The following ERBB4 variants were observed in gnomAD, a reference collection of about 807,000 sequenced individuals.
The protein encoded by ERBB4 is erb-b2 receptor tyrosine kinase 4, also known as receptor tyrosine-protein kinase erbB-4.
In ERBB4, 42 loss-of-function variants were observed where a neutral mutation model predicts 158.0. The ratio of observed to expected loss-of-function variants is 0.27; its 90% CI spans 0.21 to 0.34. ERBB4 has a LOEUF of 0.34. Among genes scored for constraint, ERBB4 ranks in the 10% least tolerant of loss-of-function variants. The pLI is 1.00. For synonymous variants in ERBB4, 583 were observed against 558.7 expected (o/e 1.04, Z -0.61); for missense variants, 1,333 against 1,624.1 (o/e 0.82, Z 3.08).
chr2:211,551,192 C>T (rs13014132), intron 20 of ERBB4, among the ~76,000 whole-genome samples: 12 of 151,984 alleles, frequency 7.9e-5, no homozygotes, highest in African/African-American at 2.9e-4. Context: ...GTCACTGAAG[C>T]TATTTACTGT....
chr2:211,819,538 A>T (rs904383670), intron 3 of ERBB4, among the ~76,000 whole-genome samples: 5 of 152,038 alleles, frequency 3.3e-5, no homozygotes, highest in Non-Finnish European at 7.4e-5. Flanking sequence ...TATAGACAGT[A>T]ACTATTAGGA....
intron 20 of ERBB4, among the ~76,000 whole-genome samples, chr2:211,480,521 T>TGTAAG (rs2065056505): frequency 6.6e-6 from 1 of 152,098 alleles, no homozygotes; most frequent in Non-Finnish European, 1.5e-5. Flanking sequence ...CTTTCGTGAT[T>TGTAAG]GTAAGTTTCC....
At chr2:212,403,630 T>C (rs938054790) in intron 1 of ERBB4, among the ~76,000 whole-genome samples, 1 of 151,908 alleles carries the variant, frequency 6.6e-6, no homozygotes, top group African/African-American at 2.4e-5. Flanking sequence ...AAGCCAGTCA[T>C]AGAAAAACAA....
intron 20 of ERBB4, among the ~76,000 whole-genome samples, chr2:211,448,177 T>C (rs1052428296): frequency 2.6e-5 from 4 of 152,104 alleles, no homozygotes; most frequent in Non-Finnish European, 1.5e-5. Context: ...TTCTCCACGT[T>C]GGCCAGACTA....
chr2:211,762,417 T>C (rs1207406000), intron 4 of ERBB4, among the ~76,000 whole-genome samples: 1 of 152,194 alleles, frequency 6.6e-6, no homozygotes, highest in Non-Finnish European at 1.5e-5. Context: ...AAACTCACTC[T>C]GCCACTGGAA....
Position 211,521,255 on chromosome 2 carries a change from C to A in ERBB4, c.2487+40648G>T, listed in dbSNP as rs1372821682. On this transcript the variant is annotated intron_variant, in intron 20 of 27. Coordinates refer to ENST00000342788, the MANE Select transcript of ERBB4 (RefSeq NM_005235.3). ...TTACTTAGACAAACTAAAAGTGCTA[C>A]TCCAGTGAACACAAATGATAAGAAA... 3.9e-5 allele frequency among the ~76,000 whole-genome samples: 6 copies of A among 152,248 alleles called. No individual in the cohort carries two copies. The South Asian group carries it at 1.2e-3, about 32-fold the overall frequency.
intron 5 of ERBB4, among the ~76,000 whole-genome samples, chr2:211,745,410 AAGAG>A (rs567926434): frequency 6.6e-6 from 1 of 151,932 alleles, no homozygotes; most frequent in East Asian, 1.9e-4. Flanking sequence ...AGCTCAGACT[AAGAG>A]AGAGAGAGGA....
At chr2:211,975,039 A>C (rs1007420445) in intron 2 of ERBB4, among the ~76,000 whole-genome samples, 1 of 152,014 alleles carries the variant, frequency 6.6e-6, no homozygotes, top group Non-Finnish European at 1.5e-5. Flanking sequence ...GCTGGACTGC[A>C]GTGGCACAAT....
At chr2:212,503,974 G>C (rs1691043379) in intron 1 of ERBB4, among the ~76,000 whole-genome samples, 1 of 152,162 alleles carries the variant, frequency 6.6e-6, no homozygotes, top group Admixed American at 6.6e-5. Context: ...TATTTGTTAA[G>C]TATCTATATG....
At chr2:211,791,948 A>G (rs945093396) in intron 3 of ERBB4, among the ~76,000 whole-genome samples, 4 of 151,728 alleles carry the variant, frequency 2.6e-5, no homozygotes, top group Admixed American at 2.0e-4. Context: ...CTTGAATTTA[A>G]CTTATATATA....
At chr2:212,380,044 T>G (rs1400210246) in intron 1 of ERBB4, among the ~76,000 whole-genome samples, 1 of 151,454 alleles carries the variant, frequency 6.6e-6, no homozygotes, top group Non-Finnish European at 1.5e-5. Context: ...GTAAGTCTCT[T>G]TATAGCTGCC....
chr2:211,732,986 AAAAC>A (rs1394487710), intron 5 of ERBB4, among the ~76,000 whole-genome samples: 1 of 152,120 alleles, frequency 6.6e-6, no homozygotes, highest in African/African-American at 2.4e-5. Flanking sequence ...CAAAAAACAA[AAAAC>A]AAACACAAAA....
At chr2:212,199,844 A>C (rs1441876194) in intron 1 of ERBB4, among the ~76,000 whole-genome samples, 1 of 149,568 alleles carries the variant, frequency 6.7e-6, no homozygotes, top group Non-Finnish European at 1.5e-5. Flanking sequence ...ACCAATCAGA[A>C]TTCATTGACT....
chr2:211,788,074 G>A lies in ERBB4; in HGVS notation c.507C>T (p.Asn169=), dbSNP rs2106318524. The A allele has an allele frequency of 6.2e-7, 1 of 1,613,136 alleles. No homozygotes were observed. The highest frequency in any genetic ancestry group is 2.2e-5 in the East Asian group (1 of 44,806). The change falls in exon 4 of 28, where the codon AAC becomes AAT. Residue 169 remains asparagine, a synonymous_variant. Transcript: ENST00000342788. ...DTIHWQDIVR[N]PWPSNLTLVS... Reference sequence around the variant, plus strand: ...CAAGAGTCAAGTTGGAAGGCCATGGGTTCCGAACAATATCTTGCCAATGAA... The same window carrying A: ...CAAGAGTCAAGTTGGAAGGCCATGGATTCCGAACAATATCTTGCCAATGAA...
chr2:212,507,528 C>T (rs1011386966), intron 1 of ERBB4, among the ~76,000 whole-genome samples: 16 of 151,930 alleles, frequency 1.1e-4, no homozygotes, highest in South Asian at 2.1e-4. Context: ...GATTCATTGG[C>T]GAAGGTTAAA....
At chr2:212,112,564 G>C (rs138028212) in intron 2 of ERBB4, among the ~76,000 whole-genome samples, 47 of 152,066 alleles carry the variant, frequency 3.1e-4, no homozygotes, top group Admixed American at 2.9e-3. Flanking sequence ...AAGTCCAAGT[G>C]TGTGAAGTTT....
chr2:211,482,926 A>C (rs2065120955), intron 20 of ERBB4, among the ~76,000 whole-genome samples: 1 of 152,060 alleles, frequency 6.6e-6, no homozygotes, highest in Non-Finnish European at 1.5e-5. Flanking sequence ...AATAAATAAA[A>C]ATTTAAAAAA....
At chr2:212,015,017 C>T (rs1437923999) in intron 2 of ERBB4, among the ~76,000 whole-genome samples, 3 of 99,748 alleles carry the variant, frequency 3.0e-5, no homozygotes, top group Non-Finnish European at 5.9e-5. Context: ...ACGGTGAAAC[C>T]CCGTCTCTAC....
intron 1 of ERBB4, among the ~76,000 whole-genome samples, chr2:212,328,448 G>A (rs1488779086): frequency 6.6e-6 from 1 of 151,962 alleles, no homozygotes; most frequent in Non-Finnish European, 1.5e-5. Context: ...TATAATTAAG[G>A]AATTTTGACT....
Sources: gnomAD v4.1 joint callset for allele counts (sites outside exome capture counted in the v4.1 genomes callset) on GRCh38, gnomAD v4.1.1 for gene constraint, MANE v1.5 for transcripts, NCBI Gene and HGNC (gene_info 2026-07-23, HGNC 2026-07-21) for gene names.